The following FAM171B variants were observed in gnomAD, a reference collection of about 807,000 sequenced individuals.
FAM171B encodes protein FAM171B.
Under a neutral mutation model 75.6 loss-of-function variants are expected in FAM171B, and 19 were observed. That is an observed-to-expected ratio of 0.25 (90% CI 0.18 to 0.37). FAM171B has a LOEUF of 0.37. FAM171B is among the 10% of genes least tolerant of loss of function. FAM171B has a pLI of 1.00. For missense variants in FAM171B, 848 were observed against 982.4 expected, an observed-to-expected ratio of 0.86 and a Z score of 1.83; for synonymous variants, 367 against 361.7, an observed-to-expected ratio of 1.01 and a Z score of -0.17.
chr2:186,748,919 T>C (rs1690411560), intron 4 of FAM171B, among the ~76,000 whole-genome samples: 1 of 152,132 alleles, frequency 6.6e-6, no homozygotes, highest in African/African-American at 2.4e-5. Flanking sequence ...CGCTGGAGGA[T>C]GTTCATGGAC....
At chr2:186,706,259 A>T (rs770030322) in intron 1 of FAM171B, among the ~76,000 whole-genome samples, 23 of 152,220 alleles carry the variant, frequency 1.5e-4, no homozygotes, top group South Asian at 4.1e-4. Flanking sequence ...TTGGGGTCAA[A>T]ATAGTAATTT....
At chr2:186,696,478 A>G (rs1689583320) in intron 1 of FAM171B, among the ~76,000 whole-genome samples, 1 of 146,116 alleles carries the variant, frequency 6.8e-6, no homozygotes, top group East Asian at 2.0e-4. Context: ...AAAACATTAA[A>G]TAGGATCATT....
At chr2:186,712,189 A>T (rs1689818795) in intron 1 of FAM171B, among the ~76,000 whole-genome samples, 1 of 152,194 alleles carries the variant, frequency 6.6e-6, no homozygotes, top group Non-Finnish European at 1.5e-5. Context: ...AGGATAATTT[A>T]AACAATATTT....
chr2:186,736,600 T>C (rs1690205713), intron 1 of FAM171B, among the ~76,000 whole-genome samples: 2 of 141,758 alleles, frequency 1.4e-5, no homozygotes, highest in Admixed American at 1.4e-4. Context: ...ATGAGAATAG[T>C]GTTTGGATAA....
At position 186,703,798 on chromosome 2, in the gene FAM171B, T is replaced by A. The variant is rs192756012; in HGVS notation, c.238+9387T>A. Among the ~76,000 whole-genome samples, 517 of 152,280 alleles carry A rather than the reference T, an allele frequency of 3.4e-3. 1 individual carries two copies. Among genetic ancestry groups the A allele is most frequent in the Admixed American group, 8.3e-3 (127 of 15,300 alleles). ...ATTTGCATGAGTAGGGTTTTTTTTT[T>A]AATAAATGTCTGGGTGACTGAAACA... On this transcript the variant is annotated intron_variant, in intron 1 of 7. Transcript: ENST00000304698.
chr2:186,701,647 C>G (rs775682357), intron 1 of FAM171B, among the ~76,000 whole-genome samples: 3 of 152,106 alleles, frequency 2.0e-5, no homozygotes, highest in Non-Finnish European at 4.4e-5. Flanking sequence ...GGCCATATTC[C>G]CAGATGGGGT....
At chr2:186,698,522 T>C (rs1301996150) in intron 1 of FAM171B, among the ~76,000 whole-genome samples, 1 of 152,124 alleles carries the variant, frequency 6.6e-6, no homozygotes, top group Non-Finnish European at 1.5e-5. Context: ...AATTTTTAAT[T>C]TTTATGGGAA....
chr2:186,710,612 T>C (rs1347553318), intron 1 of FAM171B, among the ~76,000 whole-genome samples: 1 of 152,202 alleles, frequency 6.6e-6, no homozygotes, highest in Non-Finnish European at 1.5e-5. Context: ...ATGATTACAC[T>C]GTTAGGGCTC....
chr2:186,702,217 A>G (rs1449647193), intron 1 of FAM171B, among the ~76,000 whole-genome samples: 1 of 152,244 alleles, frequency 6.6e-6, no homozygotes, highest in Non-Finnish European at 1.5e-5. Flanking sequence ...TATTCTGTAT[A>G]GCATAGCCTA....
intron 1 of FAM171B, among the ~76,000 whole-genome samples, chr2:186,729,568 A>G (rs1690083023): frequency 1.3e-5 from 2 of 152,240 alleles, no homozygotes; most frequent in Admixed American, 1.3e-4. Flanking sequence ...AGTCATAAGC[A>G]GCTAATTCTT....
chr2:186,758,997 A>G (rs1407326060), intron 6 of FAM171B, among the ~76,000 whole-genome samples: 1 of 151,788 alleles, frequency 6.6e-6, no homozygotes. Context: ...TCTACCCTCA[A>G]TTTCCAGCTG....
rs149345974 is a variant in FAM171B, at chr2:186,752,516, A to G, written c.895+1212A>G. Among the ~76,000 whole-genome samples the G allele has an allele frequency of 3.9e-3, 595 of 152,344 alleles. 17 individuals carry two copies. The highest frequency in any genetic ancestry group is 0.035 in the Admixed American group (541 of 15,304). ...CTGTTTACCAGCAGTACTACTTGGAATAAGTCATTTAACTTATTTGGGCCT... is the reference window on the plus strand; with the variant it reads ...CTGTTTACCAGCAGTACTACTTGGAGTAAGTCATTTAACTTATTTGGGCCT... On this transcript the variant is annotated intron_variant, in intron 5 of 7. Coordinates refer to ENST00000304698, the MANE Select transcript of FAM171B (RefSeq NM_177454.4).
chr2:186,764,031 G>C lies in FAM171B; in HGVS notation c.*1208G>C, dbSNP rs913052742. 1.3e-5 allele frequency: 2 copies of C among 151,982 alleles called. No homozygotes were observed. Among genetic ancestry groups the C allele is most frequent in the African/African-American group, 4.8e-5 (2 of 41,390 alleles). The allele number at this position is 151,982 out of a possible 1,614,324, so 9.4% of individuals were successfully genotyped here. On this transcript the variant is annotated 3_prime_UTR_variant, in exon 8 of 8. Coordinates refer to ENST00000304698, the MANE Select transcript of FAM171B (RefSeq NM_177454.4). ...ATCTATGTTCTTTTCATTATAGCAA[G>C]CATTCAATGTGAACAACTTTTTAAT...
In FAM171B at chr2:186,747,239, T is replaced by C; in HGVS notation, c.713T>C (p.Leu238Pro). The C allele has an allele frequency of 6.3e-7, 1 of 1,586,278 alleles. No homozygotes were observed. The highest frequency in any genetic ancestry group is 8.5e-7 in the Non-Finnish European group (1 of 1,170,544). The change falls in exon 4 of 8, where the codon CTC (leucine) becomes CCC (proline). Residue 238 changes from leucine (L) to proline (P), a missense_variant. Leu to Pro is a moderately conservative substitution (Grantham distance 98). Transcript: ENST00000304698. ...DNFLHTTGIT[L>P]NKPGFENIEL... Reference sequence around the variant, plus strand: ...TTTCTGCATACAACTGGAATTACTCTCAATAAACCAGGTATTATCTACTTT... The same window carrying C: ...TTTCTGCATACAACTGGAATTACTCCCAATAAACCAGGTATTATCTACTTT...
intron 1 of FAM171B, among the ~76,000 whole-genome samples, chr2:186,733,880 A>C (rs1254582184): frequency 1.3e-5 from 2 of 152,140 alleles, no homozygotes; most frequent in Non-Finnish European, 2.9e-5. Context: ...AGGGTATCTC[A>C]GTCTTGGCTC....
intron 6 of FAM171B, 107 bp from the exon 7 acceptor site, chr2:186,761,006 C>A: frequency 1.7e-6 from 2 of 1,201,462 alleles, no homozygotes; most frequent in Non-Finnish European, 2.3e-6. Flanking sequence ...GGGGGGCAAA[C>A]AAATAAAAGT....
chr2:186,720,630 G>C (rs1689937944), intron 1 of FAM171B, among the ~76,000 whole-genome samples: 1 of 147,650 alleles, frequency 6.8e-6, no homozygotes, highest in Non-Finnish European at 1.5e-5. Context: ...CTGAAAAATG[G>C]GATTAGGAAA....
chr2:186,728,418 C>T (rs544768752), intron 1 of FAM171B, among the ~76,000 whole-genome samples: 1 of 152,208 alleles, frequency 6.6e-6, no homozygotes, highest in East Asian at 1.9e-4. Context: ...CTGTCTGTAT[C>T]CCCAATCCCC....
At chr2:186,740,059 C>G (rs754717625) in intron 1 of FAM171B, among the ~76,000 whole-genome samples, 169 bp from the exon 2 acceptor site, 8 of 152,022 alleles carry the variant, frequency 5.3e-5, no homozygotes, top group Non-Finnish European at 8.8e-5. Flanking sequence ...AAATTTATTT[C>G]GTTTTACAAA....
Sources: allele counts gnomAD v4.1 joint callset (sites outside exome capture counted in the v4.1 genomes callset), GRCh38; gene constraint gnomAD v4.1.1; transcripts MANE v1.5; gene names NCBI Gene and HGNC (gene_info 2026-07-23, HGNC 2026-07-21).